IL20RB: variants seen among roughly 807,000 people sequenced by gnomAD.
IL20RB encodes interleukin 20 receptor subunit beta.
In IL20RB, 21 loss-of-function variants were observed where a neutral mutation model predicts 33.3. That is an observed-to-expected ratio of 0.63 (90% CI 0.45 to 0.91). The LOEUF (loss-of-function observed/expected upper bound fraction) is 0.91, where lower values mean the gene tolerates loss of function less well. Among genes scored for constraint, IL20RB ranks in the 40% least tolerant of loss-of-function variants. The probability of loss-of-function intolerance (pLI) is 0.00; values close to 1 mark genes in which losing one functional copy is unlikely to be tolerated. For synonymous variants in IL20RB, 147 were observed against 146.8 expected, an observed-to-expected ratio of 1.00 and a Z score of -0.01; for missense variants, 345 against 384.8, an observed-to-expected ratio of 0.90 and a Z score of 0.86.
rs187245162 is a variant in IL20RB, at chr3:137,007,315, T to A, written c.826-2798T>A. ...TGCTGTGCTGGGAGAACCACTGCTC[T>A]CTTCAGAGCTGTCAGACAGGGACGT... On this transcript the variant is annotated intron_variant, in intron 6 of 6. Coordinates refer to ENST00000329582, the MANE Select transcript of IL20RB (RefSeq NM_144717.4). Among the ~76,000 whole-genome samples, 66 of 152,290 alleles carry A rather than the reference T, an allele frequency of 4.3e-4. No homozygotes were observed. In the East Asian group the frequency reaches 0.012, roughly 27 times the overall value.
At chr3:136,981,320 C>T (rs1941769481) in intron 2 of IL20RB, among the ~76,000 whole-genome samples, 1 of 126,182 alleles carries the variant, frequency 7.9e-6, no homozygotes, top group Non-Finnish European at 1.8e-5. Flanking sequence ...TCCTGCCACA[C>T]TAGTCACATT....
intron 6 of IL20RB, among the ~76,000 whole-genome samples, chr3:137,004,929 C>T (rs1281955878): frequency 6.6e-6 from 1 of 152,210 alleles, no homozygotes; most frequent in African/African-American, 2.4e-5. Flanking sequence ...CCTCTGCACA[C>T]TGCTTTAAAT....
chr3:136,985,973 A>AGGTT (rs1941887227), intron 3 of IL20RB, among the ~76,000 whole-genome samples: 1 of 152,152 alleles, frequency 6.6e-6, no homozygotes, highest in African/African-American at 2.4e-5. Flanking sequence ...GAACAATGTT[A>AGGTT]GGCTGGGCAT....
intron 6 of IL20RB, among the ~76,000 whole-genome samples, chr3:137,007,752 C>T (rs996394873): frequency 2.0e-5 from 3 of 152,198 alleles, no homozygotes; most frequent in Admixed American, 2.0e-4. Flanking sequence ...CCGGGTAAGG[C>T]GATGCCCTGC....
chr3:136,991,662 G>T (rs1305813877), intron 4 of IL20RB, among the ~76,000 whole-genome samples: 1 of 152,182 alleles, frequency 6.6e-6, no homozygotes, highest in African/African-American at 2.4e-5. Flanking sequence ...AAGCTGGAGT[G>T]CAGTGGCACG....
chr3:136,985,275 G>C (rs1195166283), intron 3 of IL20RB, among the ~76,000 whole-genome samples: 1 of 151,646 alleles, frequency 6.6e-6, no homozygotes, highest in Non-Finnish European at 1.5e-5. Context: ...TTCTCCCCAG[G>C]AATGTGAAAA....
chr3:136,991,966 G>T lies in IL20RB; in HGVS notation c.560G>T (p.Gly187Val), dbSNP rs760491097. ...CATGTCAAAATGGTGAGGAGTGGGG[G>T]TATTCCAGTGCACCTAGAAACCATG... Reference protein sequence around the residue: ...EEHVKMVRSGGIPVHLETMEP... With the variant: ...EEHVKMVRSGVIPVHLETMEP... Residue 187 changes from glycine to valine, a missense_variant, in exon 5 of 7, where the codon GGT (glycine) becomes GTT (valine). Coordinates refer to ENST00000329582, the MANE Select transcript of IL20RB (RefSeq NM_144717.4). 3.7e-6 allele frequency: 6 copies of T among 1,614,052 alleles called. No homozygotes were observed. The Admixed American group carries it at 5.0e-5, about 13-fold the overall frequency.
Position 136,982,322 on chromosome 3 carries a change from C to T in IL20RB, c.378C>T (p.Ile126=), listed in dbSNP as rs549670601. The change falls in exon 3 of 7, where the codon ATC becomes ATT. Residue 126 remains isoleucine, a synonymous_variant. Coordinates refer to ENST00000329582, the MANE Select transcript of IL20RB (RefSeq NM_144717.4). ...GCTCACAGACCTCAGCCTGGAGCAT[C>T]CTGAAGCATCCCTTTAATAGAAACT... The part of the protein sequence containing the change: ...TLGSQTSAWS[I]LKHPFNRNST... The T allele has an allele frequency of 1.1e-5, 18 of 1,599,320 alleles. No homozygotes were observed. In the East Asian group the frequency reaches 3.6e-4, roughly 32 times the overall value.
chr3:137,010,008 G>A, intron 6 of IL20RB, 105 bp from the exon 7 acceptor site: 1 of 662,114 alleles, frequency 1.5e-6, no homozygotes, highest in Non-Finnish European at 2.6e-6. Flanking sequence ...TTTTGTTTTT[G>A]CTGCTTGGAA....
chr3:136,962,336 T>C (rs566587584), intron 1 of IL20RB, among the ~76,000 whole-genome samples: 1 of 152,346 alleles, frequency 6.6e-6, no homozygotes, highest in South Asian at 2.1e-4. Flanking sequence ...TAAGACGTAT[T>C]GATATCATGT....
At chr3:137,002,545 A>C (rs1279713848) in intron 6 of IL20RB, among the ~76,000 whole-genome samples, 1 of 151,582 alleles carries the variant, frequency 6.6e-6, no homozygotes, top group East Asian at 1.9e-4. Context: ...GCATTTTTTC[A>C]TGTGTCTGTT....
intron 6 of IL20RB, among the ~76,000 whole-genome samples, chr3:137,006,460 A>C (rs1273331177): frequency 1.3e-5 from 2 of 150,460 alleles, no homozygotes; most frequent in East Asian, 3.9e-4. Flanking sequence ...GGCTTTGTTC[A>C]CTTTTTTTTT....
intron 6 of IL20RB, among the ~76,000 whole-genome samples, chr3:136,998,995 G>A (rs2108215845): frequency 6.6e-6 from 1 of 152,148 alleles, no homozygotes; most frequent in African/African-American, 2.4e-5. Context: ...TGCCTAGATG[G>A]GGTTTGCATT....
chr3:136,959,653 A>C (rs1039933861), intron 1 of IL20RB: 2 of 152,226 alleles, frequency 1.3e-5, no homozygotes, highest in Non-Finnish European at 2.9e-5. Flanking sequence ...TATTTTCTTG[A>C]AAACTCCTGT....
intron 1 of IL20RB, among the ~76,000 whole-genome samples, chr3:136,971,087 C>G (rs1015266169): frequency 6.6e-6 from 1 of 152,032 alleles, no homozygotes; most frequent in African/African-American, 2.4e-5. Context: ...TATAGATAAC[C>G]CTAGTCTGCT....
chr3:137,008,263 C>CA (rs1184064270), intron 6 of IL20RB, among the ~76,000 whole-genome samples: 4 of 152,172 alleles, frequency 2.6e-5, no homozygotes, highest in African/African-American at 9.6e-5. Context: ...TGAGTCCACA[C>CA]AGGCTCTGGA....
At chr3:136,958,463 T>C (rs1035864441) in intron 1 of IL20RB, among the ~76,000 whole-genome samples, 2 of 152,226 alleles carry the variant, frequency 1.3e-5, no homozygotes, top group African/African-American at 4.8e-5. Context: ...CAGAGCTCTG[T>C]GCACTTTGTT....
intron 6 of IL20RB, among the ~76,000 whole-genome samples, chr3:137,007,227 T>A (rs1181168693): frequency 6.6e-6 from 1 of 152,046 alleles, no homozygotes; most frequent in African/African-American, 2.4e-5. Flanking sequence ...TGTCTCCCAG[T>A]TAGGCTACAC....
chr3:136,975,658 T>C (rs1296100016), intron 1 of IL20RB, among the ~76,000 whole-genome samples: 1 of 152,170 alleles, frequency 6.6e-6, no homozygotes, highest in African/African-American at 2.4e-5. Flanking sequence ...TTATTCTGGG[T>C]ACTTTGGCTG....
Sources: gnomAD v4.1 joint callset for allele counts (sites outside exome capture counted in the v4.1 genomes callset) on GRCh38, gnomAD v4.1.1 for gene constraint, MANE v1.5 for transcripts, NCBI Gene and HGNC (gene_info 2026-07-23, HGNC 2026-07-21) for gene names.